The following RNF112 variants were observed in gnomAD, a reference collection of about 807,000 sequenced individuals.
The protein encoded by RNF112 is brain finger protein.
In RNF112, 34 loss-of-function variants were observed where a neutral mutation model predicts 64.7. The observed-to-expected ratio is 0.53, with a 90% confidence interval of 0.40 to 0.70. RNF112 has a LOEUF of 0.70. RNF112 is among the 30% of genes least tolerant of loss of function. The pLI, the probability that RNF112 is intolerant of heterozygous loss-of-function variation, is 0.00. For synonymous variants in RNF112, 345 were observed against 344.5 expected (o/e 1.00, Z -0.02); for missense variants, 734 against 850.0 (o/e 0.86, Z 1.70).
Position 19,411,969 on chromosome 17 carries a change from G to A in RNF112, c.95+299G>A. The A allele has an allele frequency of 5.7e-6, 3 of 528,784 alleles. No homozygotes were observed. The South Asian group carries it at 7.9e-5, about 14-fold the overall frequency. The allele number at this position is 528,784 out of a possible 1,614,324, so 32.8% of individuals were successfully genotyped here. On this transcript the variant is annotated intron_variant, in intron 2 of 13. Transcript: ENST00000461366. ...TCCCTGTAGCATGGGGTTGTGGAGGGTATCATCCCTGGGGGCCTGGCTGAA... is the reference window on the plus strand; with the variant it reads ...TCCCTGTAGCATGGGGTTGTGGAGGATATCATCCCTGGGGGCCTGGCTGAA...
At position 19,412,574 on chromosome 17, in the gene RNF112, T is replaced by C. The variant is rs1396036890; in HGVS notation, c.172T>C (p.Ser58Pro). The change falls in exon 3 of 14, where the codon TCC becomes CCC. Residue 58 changes from serine (S) to proline (P), a missense_variant. Coordinates refer to ENST00000461366, the MANE Select transcript of RNF112 (RefSeq NM_007148.5). The surrounding 1 kb of genome is among the most constrained non-coding windows in gnomAD (Gnocchi z 5.1). ...GGCGCCCCGGGAGCTCCCTACCTGC[T>C]CCATCTGCCTGGAGAGGTTGCGCGA... ...PMAPRELPTC[S>P]ICLERLRDPI... 6.2e-7 allele frequency: 1 copy of C among 1,613,374 alleles called. No individual in the cohort carries two copies. The highest frequency in any genetic ancestry group is 8.5e-7 in the Non-Finnish European group (1 of 1,179,748).
chr17:19,415,265 C>G lies in RNF112; in HGVS notation c.1297-21C>G. 1 of 1,600,282 alleles carries G rather than the reference C, an allele frequency of 6.2e-7. No homozygotes were observed. The highest frequency in any genetic ancestry group is 8.5e-7 in the Non-Finnish European group (1 of 1,176,184). On this transcript the variant is annotated intron_variant, in intron 11 of 13. Coordinates refer to ENST00000461366, the MANE Select transcript of RNF112 (RefSeq NM_007148.5). The surrounding 1 kb of genome is among the most constrained non-coding windows in gnomAD (Gnocchi z 7.8). Reference sequence around the variant, plus strand: ...GGCTGGGCCCCTGCTCTCCCTGACCCCAGCGATGGTATCTCCGCAGAACCT... The same window carrying G: ...GGCTGGGCCCCTGCTCTCCCTGACCGCAGCGATGGTATCTCCGCAGAACCT...
rs556083914 is a variant in RNF112 at position 19,416,995 on chromosome 17, A to G, written c.*820A>G. On this transcript the variant is annotated 3_prime_UTR_variant, in exon 14 of 14. Coordinates refer to ENST00000461366, the MANE Select transcript of RNF112 (RefSeq NM_007148.5). Reference sequence around the variant, plus strand: ...CTAAGCCAGACAGCCTTTATACTAGATTCTATCAAAATCTTGCAAAGGAAA... The same window carrying G: ...CTAAGCCAGACAGCCTTTATACTAGGTTCTATCAAAATCTTGCAAAGGAAA... 1 of 152,122 alleles carries G rather than the reference A, an allele frequency of 6.6e-6. No individual in the cohort carries two copies. The highest frequency in any genetic ancestry group is 1.5e-5 in the Non-Finnish European group (1 of 68,026). The allele number at this position is 152,122 out of a possible 1,614,324, so 9.4% of individuals were successfully genotyped here.
In RNF112 at chr17:19,415,901, T is replaced by C; in HGVS notation, c.1622T>C (p.Met541Thr). The C allele has an allele frequency of 1.2e-6, 2 of 1,612,450 alleles. No homozygotes were observed. The highest frequency in any genetic ancestry group is 1.7e-6 in the Non-Finnish European group (2 of 1,179,450). ...AAGGCCTTCATGGACTCCTACACGA[T>C]GCGCTTCTGTGGCCACCTAGCTGCT... ...TAKAFMDSYT[M>T]RFCGHLAAVG... The change falls in exon 14 of 14, where the codon ATG becomes ACG. Residue 541 changes from methionine to threonine, a missense_variant. By Grantham distance (81) the Met-to-Thr change is moderately conservative (BLOSUM62 -1). Coordinates refer to ENST00000461366, the MANE Select transcript of RNF112 (RefSeq NM_007148.5). The surrounding 1 kb of genome is among the most constrained non-coding windows in gnomAD (Gnocchi z 7.8).
intron 1 of RNF112, 66 bp downstream of exon 1, chr17:19,411,528 A>G (rs1598133093): frequency 3.7e-6 from 2 of 541,136 alleles, no homozygotes; most frequent in African/African-American, 3.5e-5. Context: ...GGGCTGGGGG[A>G]TGGGCCGGGG....
At position 19,413,670 on chromosome 17, in the gene RNF112, A is replaced by G; in HGVS notation, c.814A>G (p.Ser272Gly). 6.2e-7 allele frequency: 1 copy of G among 1,608,964 alleles called. No individual in the cohort carries two copies. Among genetic ancestry groups the G allele is most frequent in the Non-Finnish European group, 8.5e-7 (1 of 1,177,738 alleles). ...IKLCALTTML[S>G]SYQILSTSQE... ...GCTCTGTGCTCTCACCACGATGCTG[A>G]GCTCCTACCAGGTGATGGGGGGCGC... The change falls in exon 6 of 14, where the codon AGC becomes GGC. Residue 272 changes from serine (S) to glycine (G), a missense_variant. Physicochemically the swap from Ser to Gly is moderately conservative, Grantham distance 56. Transcript: ENST00000461366. This position sits in a 1 kb window ranked among gnomAD's most constrained non-coding sequence, Gnocchi z 5.9.
Position 19,416,058 on chromosome 17 carries a change from C to T in RNF112, c.1779C>T (p.Ala593=), listed in dbSNP as rs1452961118. 4.5e-6 allele frequency: 7 copies of T among 1,561,094 alleles called. No individual in the cohort carries two copies. The highest frequency in any genetic ancestry group is 1.7e-4 in the Middle Eastern group (1 of 5,850). The part of the protein sequence containing the change: ...AAGAAVGATG[A]AVVGGGVGAG... Reference sequence around the variant, plus strand: ...GAGCTGCCGTGGGGGCCACAGGGGCCGCTGTGGTTGGGGGTGGCGTGGGTG... The same window carrying T: ...GAGCTGCCGTGGGGGCCACAGGGGCTGCTGTGGTTGGGGGTGGCGTGGGTG... Residue 593 remains alanine, a synonymous_variant, in exon 14 of 14, where the codon GCC becomes GCT. Coordinates refer to ENST00000461366, the MANE Select transcript of RNF112 (RefSeq NM_007148.5).
chr17:19,413,238 A>T lies in RNF112; in HGVS notation c.589-42A>T, dbSNP rs1304874469. 1 of 1,596,614 alleles carries T rather than the reference A, an allele frequency of 6.3e-7. No homozygotes were observed. Among genetic ancestry groups the T allele is most frequent in the Non-Finnish European group, 8.6e-7 (1 of 1,168,712 alleles). ...GTCTGGTATTCCGGTCTGTGGGGAC[A>T]AGGAACCGACCAACTGATGCTCTCC... On this transcript the variant is annotated intron_variant, in intron 4 of 13. Transcript: ENST00000461366. The surrounding 1 kb of genome is among the most constrained non-coding windows in gnomAD (Gnocchi z 5.9).
In RNF112 at chr17:19,412,900, C is replaced by G; in HGVS notation, c.382-38C>G. On this transcript the variant is annotated intron_variant, in intron 3 of 13. Transcript: ENST00000461366. This position sits in a 1 kb window ranked among gnomAD's most constrained non-coding sequence, Gnocchi z 5.1. ...ACACATTCCAGGGTCAGGAGCTGGT[C>G]CTGGATGCTCAGGGGCCCCTCTCTT... is the stretch of plus-strand genomic sequence containing the variant. 6.4e-7 allele frequency: 1 copy of G among 1,564,892 alleles called. No homozygotes were observed. Among genetic ancestry groups the G allele is most frequent in the Non-Finnish European group, 8.6e-7 (1 of 1,156,226 alleles).
chr17:19,413,644 A>C lies in RNF112; in HGVS notation c.788A>C (p.Lys263Thr). ...GAGCTGAGCAGGGAAACAAGGATCA[A>C]GCTCTGTGCTCTCACCACGATGCTG... ...SPELSRETRI[K>T]LCALTTMLSS... Residue 263 changes from lysine to threonine, a missense_variant, in exon 6 of 14, where the codon AAG (lysine) becomes ACG (threonine). Physicochemically the swap from Lys to Thr is moderately conservative, Grantham distance 78 (BLOSUM62 -1). Coordinates refer to ENST00000461366, the MANE Select transcript of RNF112 (RefSeq NM_007148.5). The surrounding 1 kb of genome is among the most constrained non-coding windows in gnomAD (Gnocchi z 5.9). 1 of 1,612,882 alleles carries C rather than the reference A, an allele frequency of 6.2e-7. No individual in the cohort carries two copies. Among genetic ancestry groups the C allele is most frequent in the Non-Finnish European group, 8.5e-7 (1 of 1,179,532 alleles).
chr17:19,415,402 T>C lies in RNF112; in HGVS notation c.1350+63T>C, dbSNP rs1913844469. On this transcript the variant is annotated intron_variant, in intron 12 of 13. Transcript: ENST00000461366. This position sits in a 1 kb window ranked among gnomAD's most constrained non-coding sequence, Gnocchi z 7.8. ...ACAGGGGAGGCAGGGAGGTGGGGGC[T>C]GTGCCGAGGCCTCCGGGGTGGGGGT... 5 of 1,547,212 alleles carry C rather than the reference T, an allele frequency of 3.2e-6. No homozygotes were observed. Among genetic ancestry groups the C allele is most frequent in the African/African-American group, 1.4e-5 (1 of 73,322 alleles).
At position 19,413,999 on chromosome 17, in the gene RNF112, C is replaced by T; in HGVS notation, c.826-96C>T. 1 of 1,056,750 alleles carries T rather than the reference C, an allele frequency of 9.5e-7. No homozygotes were observed. Among genetic ancestry groups the T allele is most frequent in the Admixed American group, 2.0e-5 (1 of 50,256 alleles). The allele number at this position is 1,056,750 out of a possible 1,614,324, so 65.5% of individuals were successfully genotyped here. The stretch of plus-strand genomic sequence containing the variant: ...GGCCTCTCCCATACTCTGAGGCCCA[C>T]AGGCTGCCTGCGAGCTCCCTACTCA... On this transcript the variant is annotated intron_variant, in intron 6 of 13. Transcript: ENST00000461366. This position sits in a 1 kb window ranked among gnomAD's most constrained non-coding sequence, Gnocchi z 5.9.
Position 19,411,567 on chromosome 17 carries a change from C to T in RNF112, c.55-63C>T, listed in dbSNP as rs949860358. On this transcript the variant is annotated intron_variant, in intron 1 of 13. Transcript: ENST00000461366. ...GGGAGGATGAGGGGTCCCTGGAAATCCAGGGTGAAGATAGAAGTCTGGATT... is the reference window on the plus strand; with the variant it reads ...GGGAGGATGAGGGGTCCCTGGAAATTCAGGGTGAAGATAGAAGTCTGGATT... The T allele has an allele frequency of 3.9e-6, 6 of 1,545,638 alleles. No individual in the cohort carries two copies. The Admixed American group carries it at 5.9e-5, about 15-fold the overall frequency.
At position 19,411,371 on chromosome 17, in the gene RNF112, C is replaced by T; in HGVS notation, c.-38C>T. 6.3e-7 allele frequency: 1 copy of T among 1,599,846 alleles called. No individual in the cohort carries two copies. The highest frequency in any genetic ancestry group is 8.5e-7 in the Non-Finnish European group (1 of 1,174,332). ...TCTGGTTGAAGGTCTCGGGGCCTCCCCCTCTGCATCCGGACCCTCTCCCCA... is the reference window on the plus strand; with the variant it reads ...TCTGGTTGAAGGTCTCGGGGCCTCCTCCTCTGCATCCGGACCCTCTCCCCA... On this transcript the variant is annotated 5_prime_UTR_variant, in exon 1 of 14. Transcript: ENST00000461366.
rs1409070058 is a variant in RNF112 at position 19,414,876 on chromosome 17, C to T, written c.1115C>T (p.Ala372Val). ...PGRRRMNQGH[A>V]SPGDTDDDFR... The stretch of plus-strand genomic sequence containing the variant: ...AGGCGGCGGATGAACCAAGGCCATG[C>T]AAGCCCTGGTGGTGAGTGTCTCTGA... Residue 372 changes from alanine to valine, a missense_variant, in exon 10 of 14, where the codon GCA (alanine) becomes GTA (valine). Transcript: ENST00000461366. The T allele has an allele frequency of 2.5e-6, 4 of 1,613,500 alleles. No homozygotes were observed. The Middle Eastern group carries it at 6.7e-4, about 270-fold the overall frequency.
chr17:19,414,760 T>C lies in RNF112; in HGVS notation c.1009-10T>C, dbSNP rs1241737947. 11 of 1,613,022 alleles carry C rather than the reference T, an allele frequency of 6.8e-6. No individual in the cohort carries two copies. Among genetic ancestry groups the C allele is most frequent in the South Asian group, 6.6e-5 (6 of 91,056 alleles). On this transcript the variant is annotated splice_polypyrimidine_tract_variant and intron_variant, in intron 9 of 13. Coordinates refer to ENST00000461366, the MANE Select transcript of RNF112 (RefSeq NM_007148.5). ...TCCTAGCTCAGAGCACTCCTCTCGC[T>C]GCCTCACAGAGATTGTCTGGCAGAT...
rs776423036 is a variant in RNF112, at chr17:19,415,318, C to T, written c.1329C>T (p.Pro443=). The change falls in exon 12 of 14, where the codon CCC becomes CCT. Residue 443 remains proline, a synonymous_variant. Coordinates refer to ENST00000461366, the MANE Select transcript of RNF112 (RefSeq NM_007148.5). The surrounding 1 kb of genome is among the most constrained non-coding windows in gnomAD (Gnocchi z 7.8). ...NLSGWMGRTG[P]GFTSPDEMAA... is the part of the protein sequence containing the mutation. ...CAGGATGGATGGGGAGGACAGGGCC[C>T]GGTTTCACCTCTCCGGATGAGGTAT... 20 of 1,608,728 alleles carry T rather than the reference C, an allele frequency of 1.2e-5. No homozygotes were observed. Among genetic ancestry groups the T allele is most frequent in the Non-Finnish European group, 1.4e-5 (17 of 1,177,536 alleles).
At position 19,415,379 on chromosome 17, in the gene RNF112, A is replaced by G. The variant is rs974206342; in HGVS notation, c.1350+40A>G. ...GGATCCAGCATTCTGGCAGGGAGACAGGGGAGGCAGGGAGGTGGGGGCTGT... is the reference window on the plus strand; with the variant it reads ...GGATCCAGCATTCTGGCAGGGAGACGGGGGAGGCAGGGAGGTGGGGGCTGT... On this transcript the variant is annotated intron_variant, in intron 12 of 13. Transcript: ENST00000461366. This position sits in a 1 kb window ranked among gnomAD's most constrained non-coding sequence, Gnocchi z 7.8. The G allele has an allele frequency of 3.2e-6, 5 of 1,562,910 alleles. No homozygotes were observed. The highest frequency in any genetic ancestry group is 3.8e-5 in the Admixed American group (2 of 52,156).
rs543683146 is a variant in RNF112, at chr17:19,413,470, C to T, written c.720+59C>T. On this transcript the variant is annotated intron_variant, in intron 5 of 13. Transcript: ENST00000461366. This position sits in a 1 kb window ranked among gnomAD's most constrained non-coding sequence, Gnocchi z 5.9. Reference sequence around the variant, plus strand: ...TGGGAAGGGGAATCAAGAAGGGCGTCTCTGGGGTGAGGATAGAAGATGGGG... The same window carrying T: ...TGGGAAGGGGAATCAAGAAGGGCGTTTCTGGGGTGAGGATAGAAGATGGGG... 2.7e-5 allele frequency: 42 copies of T among 1,573,502 alleles called. No homozygotes were observed. In the African/African-American group the frequency reaches 5.4e-4, roughly 20 times the overall value.
Sources: allele counts gnomAD v4.1 joint callset, GRCh38; gene constraint gnomAD v4.1.1; non-coding constraint Gnocchi (gnomAD v3.1); transcripts MANE v1.5; gene names NCBI Gene and HGNC (gene_info 2026-07-23, HGNC 2026-07-21).